The following C2 variants were observed in gnomAD, a reference collection of about 807,000 sequenced individuals.
C2 encodes C3/C5 convertase.
A neutral mutation model predicts 85.2 loss-of-function variants in C2; 64 were observed. The ratio of observed to expected loss-of-function variants is 0.75; its 90% CI spans 0.61 to 0.92. The LOEUF (loss-of-function observed/expected upper bound fraction) is 0.92. C2 is among the 40% of genes least tolerant of loss of function. The pLI is 0.00. For synonymous variants in C2, 311 were observed against 370.8 expected, an observed-to-expected ratio of 0.84 and a Z score of 1.85; for missense variants, 820 against 971.6, an observed-to-expected ratio of 0.84 and a Z score of 2.07.
At chr6:31,939,379 C>T (rs1217788257) in intron 9 of C2, 59 bp downstream of exon 9, 5 of 1,264,614 alleles carry the variant, frequency 4.0e-6, no homozygotes, top group Non-Finnish European at 5.8e-6. Context: ...ATGAGATCTT[C>T]AGCCAGGGAT....
chr6:31,900,387 C>T (rs1355558131), upstream of C2: 13 of 1,544,084 alleles, frequency 8.4e-6, no homozygotes, highest in African/African-American at 1.4e-5. This position sits in a 1 kb window ranked among gnomAD's most constrained non-coding sequence, Gnocchi z 9.7. Context: ...CTGCCCCCCG[C>T]CCCCCGGGCA....
chr6:31,900,564 G>A, upstream of C2: 1 of 1,612,086 alleles, frequency 6.2e-7, no homozygotes, highest in Non-Finnish European at 8.5e-7. This position sits in a 1 kb window ranked among gnomAD's most constrained non-coding sequence, Gnocchi z 9.7. Context: ...ACGCTGCTCT[G>A]GGCCAGCTCC....
At position 31,921,240 on chromosome 6, in the gene C2, G is replaced by A. The variant is rs1376823049; in HGVS notation, c.-100+1214G>A. On this transcript the variant is annotated intron_variant, in intron 1 of 3. Coordinates refer to the C2 transcript ENST00000413154. The surrounding 1 kb of genome is among the most constrained non-coding windows in gnomAD (Gnocchi z 4.6). ...ATGCTATTTACTTGGGGTGGAAATAGGATGGGGGAGGGCATTGGCTTGACC... is the reference window on the plus strand; with the variant it reads ...ATGCTATTTACTTGGGGTGGAAATAAGATGGGGGAGGGCATTGGCTTGACC... Among the ~76,000 whole-genome samples the A allele has an allele frequency of 2.0e-5, 3 of 152,160 alleles. No homozygotes were observed. The highest frequency in any genetic ancestry group is 4.4e-5 in the Non-Finnish European group (3 of 68,032).
intron 9 of C2, among the ~76,000 whole-genome samples, chr6:31,941,958 C>T (rs1280294794): frequency 1.3e-5 from 2 of 151,022 alleles, no homozygotes; most frequent in African/African-American, 4.9e-5. Context: ...GCTGGGATTA[C>T]AGGTGTGTGC....
upstream of C2, among the ~76,000 whole-genome samples, chr6:31,898,627 C>T (rs2151681524): frequency 6.7e-6 from 1 of 148,690 alleles, no homozygotes; most frequent in Middle Eastern, 3.6e-3. Context: ...TTCCCTGCAC[C>T]TTAATCCAAA....
rs529719661 is a variant in C2, at chr6:31,940,801, C to T, written c.1219+1481C>T. Among the ~76,000 whole-genome samples, 6 of 152,354 alleles carry T rather than the reference C, an allele frequency of 3.9e-5. No individual in the cohort carries two copies. The South Asian group carries it at 6.2e-4, about 16-fold the overall frequency. ...ATAGTCAAAGAAAACGCACAAGGCACGATCGTTGTCTAGCTCCAACTGTAA... is the reference window on the plus strand; with the variant it reads ...ATAGTCAAAGAAAACGCACAAGGCATGATCGTTGTCTAGCTCCAACTGTAA... On this transcript the variant is annotated intron_variant, in intron 9 of 17. Transcript: ENST00000299367.
In C2 at chr6:31,945,347, T is replaced by C; in HGVS notation, c.2249T>C (p.Leu750Ser). The part of the protein sequence containing the change: ...RQHLGDVLNF[L>S]PL ...CACCTGGGGGATGTCCTGAATTTTT[T>C]ACCCCTCTAGCCATGGCCACTGAGC... Residue 750 changes from leucine to serine, a missense_variant, in exon 18 of 18, where the codon TTA becomes TCA. Coordinates refer to ENST00000299367, the MANE Select transcript of C2 (RefSeq NM_000063.6). The surrounding 1 kb of genome is among the most constrained non-coding windows in gnomAD (Gnocchi z 5.3). 1 of 1,612,952 alleles carries C rather than the reference T, an allele frequency of 6.2e-7. No individual in the cohort carries two copies. Among genetic ancestry groups the C allele is most frequent in the Non-Finnish European group, 8.5e-7 (1 of 1,179,990 alleles).
At position 31,937,393 on chromosome 6, in the gene C2, C is replaced by T. The variant is rs538818827; in HGVS notation, c.1063C>T (p.Arg355Ter). 27 of 1,612,522 alleles carry T rather than the reference C, an allele frequency of 1.7e-5. No individual in the cohort carries two copies. Among genetic ancestry groups the T allele is most frequent in the African/African-American group, 2.7e-5 (2 of 74,792 alleles). Residue 355 changes from arginine to a stop codon, truncating the protein, a stop_gained, in exon 8 of 18, where the codon CGA becomes TGA. Transcript: ENST00000299367. LOFTEE classifies it high-confidence loss of function. ...SVYLMMNNQM[R>*]LLGMETMAWQ... ...CTATCTCATGATGAACAACCAAATG[C>T]GACTCCTCGGCATGGAAACGATGGC...
upstream of C2, among the ~76,000 whole-genome samples, chr6:31,917,477 C>G (rs1582041660): frequency 1.3e-5 from 2 of 152,150 alleles, no homozygotes. Flanking sequence ...CTGAAGACTA[C>G]TAGAAGGGGA....
At chr6:31,900,943 A>G (rs761265138), upstream of C2, 1 of 1,614,204 alleles carries the variant, frequency 6.2e-7, no homozygotes, top group Non-Finnish European at 8.5e-7. This position sits in a 1 kb window ranked among gnomAD's most constrained non-coding sequence, Gnocchi z 9.7. Context: ...GGCTGAGGGC[A>G]TTCCGGCATT....
At chr6:31,925,160 A>T (rs1169696261), upstream of C2, among the ~76,000 whole-genome samples, 1 of 152,212 alleles carries the variant, frequency 6.6e-6, no homozygotes, top group Non-Finnish European at 1.5e-5. Flanking sequence ...AGAAAGAATA[A>T]ATCATTTTTA....
rs1768905472 is a variant in C2, at chr6:31,920,728, G to A, written c.-100+702G>A. On this transcript the variant is annotated intron_variant, in intron 1 of 3. Coordinates refer to the C2 transcript ENST00000413154. This position sits in a 1 kb window ranked among gnomAD's most constrained non-coding sequence, Gnocchi z 5.6. Reference sequence around the variant, plus strand: ...ACCCTGGTACACCCCAGGCCTGTGAGTCTTTAGAGGTTGAGTTTTTGTCTG... The same window carrying A: ...ACCCTGGTACACCCCAGGCCTGTGAATCTTTAGAGGTTGAGTTTTTGTCTG... Among the ~76,000 whole-genome samples, 1 of 152,206 alleles carries A rather than the reference G, an allele frequency of 6.6e-6. No individual in the cohort carries two copies. The highest frequency in any genetic ancestry group is 2.4e-5 in the African/African-American group (1 of 41,446).
At chr6:31,900,961 C>T, upstream of C2, 1 of 1,614,194 alleles carries the variant, frequency 6.2e-7, no homozygotes, top group Non-Finnish European at 8.5e-7. The surrounding 1 kb of genome is among the most constrained non-coding windows in gnomAD (Gnocchi z 9.7). Context: ...ATTTCTCCAC[C>T]ACGTGCTCCA....
chr6:31,934,461 A>G, intron 6 of C2, 162 bp downstream of exon 6: 1 of 1,249,444 alleles, frequency 8.0e-7, no homozygotes, highest in Non-Finnish European at 1.1e-6. Context: ...AATTTATACA[A>G]TCATAATTTT....
In C2 at chr6:31,944,334, C is replaced by T; in HGVS notation, c.1902+108C>T. ...TTTCTCTCTCTGACGCGGGTCACCC[C>T]TCCTCCCAAGCCTCACAAACCTGCT... On this transcript the variant is annotated intron_variant, in intron 15 of 17. Coordinates refer to ENST00000299367, the MANE Select transcript of C2 (RefSeq NM_000063.6). The surrounding 1 kb of genome is among the most constrained non-coding windows in gnomAD (Gnocchi z 5.1). 1 of 808,458 alleles carries T rather than the reference C, an allele frequency of 1.2e-6. No homozygotes were observed. Among genetic ancestry groups the T allele is most frequent in the South Asian group, 1.4e-5 (1 of 71,166 alleles). 50.1% of individuals were successfully genotyped at this position (808,458 alleles called of 1,614,324 possible). A position where few individuals can be genotyped will look rare whatever the true frequency, so the allele number is the denominator to read the frequency against.
chr6:31,920,902 C>T lies in C2; in HGVS notation c.-100+876C>T, dbSNP rs1424585178. 2.6e-5 allele frequency among the ~76,000 whole-genome samples: 4 copies of T among 152,170 alleles called. No homozygotes were observed. Among genetic ancestry groups the T allele is most frequent in the African/African-American group, 7.2e-5 (3 of 41,428 alleles). Reference sequence around the variant, plus strand: ...GGAGGTTCAGTGTCTAACCCAGTGTCTGGGCCTGCAGGGTGGCCTCTGAGG... The same window carrying T: ...GGAGGTTCAGTGTCTAACCCAGTGTTTGGGCCTGCAGGGTGGCCTCTGAGG... On this transcript the variant is annotated intron_variant, in intron 1 of 3. Transcript: ENST00000413154. The surrounding 1 kb of genome is among the most constrained non-coding windows in gnomAD (Gnocchi z 5.6).
chr6:31,897,947 C>T (rs1766809542), upstream of C2: 7 of 1,043,456 alleles, frequency 6.7e-6, no homozygotes, highest in African/African-American at 1.7e-5. Context: ...TTTTAGGTAA[C>T]AAGCGGAGCT....
chr6:31,923,585 G>A (rs1007010880), upstream of C2, among the ~76,000 whole-genome samples: 5 of 151,708 alleles, frequency 3.3e-5, no homozygotes, highest in Non-Finnish European at 7.4e-5. Flanking sequence ...CCGGGTTCAC[G>A]CCATTCGCCT....
chr6:31,933,578 A>C (rs772231490), intron 3 of C2, 32 bp from the exon 4 acceptor site: 1 of 1,611,372 alleles, frequency 6.2e-7, no homozygotes, highest in Non-Finnish European at 8.5e-7. Flanking sequence ...GGAGGGGGCT[A>C]CTCACCTCTG....
Sources: gnomAD v4.1 joint callset for allele counts (sites outside exome capture counted in the v4.1 genomes callset) on GRCh38, gnomAD v4.1.1 for gene constraint, Gnocchi (gnomAD v3.1) non-coding constraint, MANE v1.5 for transcripts, NCBI Gene and HGNC (gene_info 2026-07-23, HGNC 2026-07-21) for gene names.